RPS23: variants seen among roughly 807,000 people sequenced by gnomAD.
RPS23 encodes ribosomal protein S23, also known as small ribosomal subunit protein uS12.
For synonymous variants in RPS23, 66 were observed against 60.4 expected, an observed-to-expected ratio of 1.09 and a Z score of -0.43; for missense variants, 73 against 174.5, an observed-to-expected ratio of 0.42 and a Z score of 3.28.
At chr5:82,276,295 G>A (rs111635232) in intron 3 of RPS23, 40 bp from the exon 4 acceptor site, 10 of 1,612,406 alleles carry the variant, frequency 6.2e-6, no homozygotes, top group Admixed American at 3.3e-5. Flanking sequence ...TGTTGGTGGC[G>A]ATCACAAAAA....
chr5:82,278,258 C>A (rs573073542), intron 1 of RPS23, 62 bp downstream of exon 1: 3 of 1,575,392 alleles, frequency 1.9e-6, no homozygotes, highest in Non-Finnish European at 2.6e-6. Context: ...CGCATCCGCC[C>A]GCCCGTCCCC....
rs1463298404 is a variant in RPS23, at chr5:82,274,270, C to G, written c.*1839G>C. 1.3e-5 allele frequency: 2 copies of G among 152,304 alleles called. No homozygotes were observed. Among genetic ancestry groups the G allele is most frequent in the Admixed American group, 1.3e-4 (2 of 15,278 alleles). The allele number at this position is 152,304 out of a possible 1,614,324, so 9.4% of individuals were successfully genotyped here. On this transcript the variant is annotated 3_prime_UTR_variant, in exon 4 of 4. Transcript: ENST00000296674. The stretch of plus-strand genomic sequence containing the variant: ...TACATGAAGGAAAGGGCCTTGGACA[C>G]AAGGCAGTGGGGAAAGGGGCTGGGG...
Position 82,273,576 on chromosome 5 carries a change from C to T in RPS23, c.*2533G>A, listed in dbSNP as rs1341322445. The T allele has an allele frequency of 1.3e-5, 2 of 149,054 alleles. No individual in the cohort carries two copies. Among genetic ancestry groups the T allele is most frequent in the South Asian group, 2.1e-4 (1 of 4,816 alleles). The allele number at this position is 149,054 out of a possible 1,614,324, so 9.2% of individuals were successfully genotyped here. A position where few individuals can be genotyped will look rare whatever the true frequency, so the allele number is the denominator to read the frequency against. ...CTACGGATAACATCAGGTTCTAAGTCGTAAGTTGATTTTTAACTACTAGGT... is the reference window on the plus strand; with the variant it reads ...CTACGGATAACATCAGGTTCTAAGTTGTAAGTTGATTTTTAACTACTAGGT... On this transcript the variant is annotated 3_prime_UTR_variant, in exon 4 of 4. Transcript: ENST00000296674.
In RPS23 at chr5:82,275,885, C is replaced by T; in HGVS notation, c.*224G>A. On this transcript the variant is annotated 3_prime_UTR_variant, in exon 4 of 4. Coordinates refer to ENST00000296674, the MANE Select transcript of RPS23 (RefSeq NM_001025.5). ...ATTCCACAGGATGAGGGAAACTGTG[C>T]CAGGTTACAAATGTTATTAACTCTA... 1 of 513,252 alleles carries T rather than the reference C, an allele frequency of 1.9e-6. No individual in the cohort carries two copies. The highest frequency in any genetic ancestry group is 3.5e-6 in the Non-Finnish European group (1 of 288,862). 31.8% of individuals were successfully genotyped at this position (513,252 alleles called of 1,614,324 possible).
rs1210926042 is a variant in RPS23 at position 82,274,472 on chromosome 5, A to C, written c.*1637T>G. ...GGGTACAGCTGCAAGCCATTGTTGA[A>C]GGTGTCTTGACGTATCAGAGAAGGC... On this transcript the variant is annotated 3_prime_UTR_variant, in exon 4 of 4. Transcript: ENST00000296674. 1.3e-5 allele frequency: 2 copies of C among 152,374 alleles called. No individual in the cohort carries two copies. The highest frequency in any genetic ancestry group is 2.4e-5 in the African/African-American group (1 of 41,436). 9.4% of individuals were successfully genotyped at this position (152,374 alleles called of 1,614,324 possible).
Position 82,275,189 on chromosome 5 carries a change from G to A in RPS23, c.*920C>T, listed in dbSNP as rs576619519. The A allele has an allele frequency of 2.8e-6, 2 of 702,184 alleles. No individual in the cohort carries two copies. Among genetic ancestry groups the A allele is most frequent in the African/African-American group, 3.5e-5 (2 of 57,364 alleles). 43.5% of individuals were successfully genotyped at this position (702,184 alleles called of 1,614,324 possible). The stretch of plus-strand genomic sequence containing the variant: ...TGTAAAGCTAGGCTTTGATCAAAGG[G>A]CTAATTAACCCATACTTACTATTTG... On this transcript the variant is annotated 3_prime_UTR_variant, in exon 4 of 4. Coordinates refer to ENST00000296674, the MANE Select transcript of RPS23 (RefSeq NM_001025.5).
rs1412862936 is a variant in RPS23, at chr5:82,274,749, C to G, written c.*1360G>C. ...CTCATCCGAAAGCATCTGTTGAGCC[C>G]CTGGGAACAGCTTAGCCAAATACTG... On this transcript the variant is annotated 3_prime_UTR_variant, in exon 4 of 4. Transcript: ENST00000296674. 1 of 162,922 alleles carries G rather than the reference C, an allele frequency of 6.1e-6. No individual in the cohort carries two copies. The highest frequency in any genetic ancestry group is 1.3e-5 in the Non-Finnish European group (1 of 74,684). 10.1% of individuals were successfully genotyped at this position (162,922 alleles called of 1,614,324 possible). A position where few individuals can be genotyped will look rare whatever the true frequency, so the allele number is the denominator to read the frequency against.
At chr5:82,277,079 G>A (rs1747843251) in intron 2 of RPS23, among the ~76,000 whole-genome samples, 1 of 150,726 alleles carries the variant, frequency 6.6e-6, no homozygotes, top group Non-Finnish European at 1.5e-5. Context: ...CAGCTACCTG[G>A]GAGGCTGAGG....
At position 82,274,904 on chromosome 5, in the gene RPS23, T is replaced by TA. The variant is rs1554062673; in HGVS notation, c.*1204dup. ...GCTGGAAAACACACGAGCTCTTTAG[T>TA]AAGAGCAGGCGACATGCAAGGAACC... is the stretch of plus-strand genomic sequence containing the variant. On this transcript the variant is annotated 3_prime_UTR_variant, in exon 4 of 4. Transcript: ENST00000296674. The TA allele has an allele frequency of 3.2e-6, 1 of 313,156 alleles. No individual in the cohort carries two copies. Among genetic ancestry groups the TA allele is most frequent in the Non-Finnish European group, 6.0e-6 (1 of 167,774 alleles). The allele number at this position is 313,156 out of a possible 1,614,324, so 19.4% of individuals were successfully genotyped here.
In RPS23 at chr5:82,277,897, A is replaced by C. The variant is rs367849046; in HGVS notation, c.5-45T>G. On this transcript the variant is annotated intron_variant, in intron 1 of 3. Transcript: ENST00000296674. ...GTTCTTCCGTAAAAACACGCCATCT[A>C]CGTGTTTCCCATCTTCTAAGACACT... 22 of 1,538,184 alleles carry C rather than the reference A, an allele frequency of 1.4e-5. No homozygotes were observed. In the East Asian group the frequency reaches 2.5e-4, roughly 17 times the overall value.
At chr5:82,277,985 C>A in intron 1 of RPS23, 133 bp from the exon 2 acceptor site, 1 of 844,760 alleles carries the variant, frequency 1.2e-6, no homozygotes. Context: ...GCCTGTGGGC[C>A]AAACATTTGG....
chr5:82,278,333 G>A lies in RPS23; in HGVS notation c.-10C>T, dbSNP rs1561392358. 2 of 1,609,144 alleles carry A rather than the reference G, an allele frequency of 1.2e-6. No homozygotes were observed. The highest frequency in any genetic ancestry group is 1.7e-6 in the Non-Finnish European group (2 of 1,178,172). On this transcript the variant is annotated 5_prime_UTR_variant, in exon 1 of 4. Transcript: ENST00000296674. ...ACAACAGCTCACCCATCCTGTCGGC[G>A]CCACGGGCCTGAGCGAAAGAGAGAA...
chr5:82,275,135 A>AC lies in RPS23; in HGVS notation c.*973dup. On this transcript the variant is annotated 3_prime_UTR_variant, in exon 4 of 4. Coordinates refer to ENST00000296674, the MANE Select transcript of RPS23 (RefSeq NM_001025.5). ...GATCCTACGGAAAGTGGGCAACCAA[A>AC]CCAATTGTTTTCCAAAGATCCTAAA... The AC allele has an allele frequency of 2.9e-6, 2 of 682,606 alleles. No homozygotes were observed. The highest frequency in any genetic ancestry group is 5.3e-6 in the Non-Finnish European group (2 of 374,296). The allele number at this position is 682,606 out of a possible 1,614,324, so 42.3% of individuals were successfully genotyped here. A position where few individuals can be genotyped will look rare whatever the true frequency, so the allele number is the denominator to read the frequency against.
chr5:82,276,738 G>A lies in RPS23; in HGVS notation c.165-220C>T, dbSNP rs1747793345. On this transcript the variant is annotated intron_variant, in intron 2 of 3. Coordinates refer to ENST00000296674, the MANE Select transcript of RPS23 (RefSeq NM_001025.5). Reference sequence around the variant, plus strand: ...CCTTTTACAGTTATAAAAGTAGACTGGAGTGGCAGCGTGGGCCTGTAGTCC... The same window carrying A: ...CCTTTTACAGTTATAAAAGTAGACTAGAGTGGCAGCGTGGGCCTGTAGTCC... The A allele has an allele frequency of 1.0e-5, 6 of 594,858 alleles. No individual in the cohort carries two copies. The Admixed American group carries it at 1.5e-4, about 15-fold the overall frequency. 36.8% of individuals were successfully genotyped at this position (594,858 alleles called of 1,614,324 possible).
At chr5:82,278,105 C>T in intron 1 of RPS23, 1 of 682,216 alleles carries the variant, frequency 1.5e-6, no homozygotes. Flanking sequence ...GCGCTGGCCT[C>T]CCTGCGTCCC....
rs1035648072 is a variant in RPS23, at chr5:82,275,706, T to A, written c.*403A>T. The A allele has an allele frequency of 8.1e-6, 2 of 248,010 alleles. No individual in the cohort carries two copies. Among genetic ancestry groups the A allele is most frequent in the African/African-American group, 4.5e-5 (2 of 44,542 alleles). 15.4% of individuals were successfully genotyped at this position (248,010 alleles called of 1,614,324 possible). A position where few individuals can be genotyped will look rare whatever the true frequency, so the allele number is the denominator to read the frequency against. On this transcript the variant is annotated 3_prime_UTR_variant, in exon 4 of 4. Coordinates refer to ENST00000296674, the MANE Select transcript of RPS23 (RefSeq NM_001025.5). ...TAAGATAATCTATGTGCAATGAAAT[T>A]TGGTAACTGAAGTGTTGCACCCGAT...
In RPS23 at chr5:82,276,416, A is replaced by C; in HGVS notation, c.267T>G (p.Gly89=). Residue 89 remains glycine, a synonymous_variant, in exon 3 of 4, where the codon GGT becomes GGG. Transcript: ENST00000296674. ...TACTCACCTCAATAAAGTTCAAGCA[A>C]CCGTCATTGGGTACAAAGGCTGTGA... The part of the protein sequence containing the change: ...KKITAFVPND[G]CLNFIEENDE... 1 of 1,614,002 alleles carries C rather than the reference A, an allele frequency of 6.2e-7. No individual in the cohort carries two copies. The highest frequency in any genetic ancestry group is 8.5e-7 in the Non-Finnish European group (1 of 1,179,892).
In RPS23 at chr5:82,278,340, G is replaced by A. The variant is rs1748025634; in HGVS notation, c.-17C>T. The A allele has an allele frequency of 2.5e-6, 4 of 1,606,804 alleles. No homozygotes were observed. Among genetic ancestry groups the A allele is most frequent in the East Asian group, 2.3e-5 (1 of 44,414 alleles). ...CTCACCCATCCTGTCGGCGCCACGGGCCTGAGCGAAAGAGAGAAGCACCGC... is the reference window on the plus strand; with the variant it reads ...CTCACCCATCCTGTCGGCGCCACGGACCTGAGCGAAAGAGAGAAGCACCGC... On this transcript the variant is annotated 5_prime_UTR_variant, in exon 1 of 4. Transcript: ENST00000296674.
chr5:82,275,132 C>T lies in RPS23; in HGVS notation c.*977G>A. 1 of 678,380 alleles carries T rather than the reference C, an allele frequency of 1.5e-6. No individual in the cohort carries two copies. The highest frequency in any genetic ancestry group is 2.7e-6 in the Non-Finnish European group (1 of 372,180). The allele number at this position is 678,380 out of a possible 1,614,324, so 42.0% of individuals were successfully genotyped here. A position where few individuals can be genotyped will look rare whatever the true frequency, so the allele number is the denominator to read the frequency against. ...CTTGATCCTACGGAAAGTGGGCAACCAAACCAATTGTTTTCCAAAGATCCT... is the reference window on the plus strand; with the variant it reads ...CTTGATCCTACGGAAAGTGGGCAACTAAACCAATTGTTTTCCAAAGATCCT... On this transcript the variant is annotated 3_prime_UTR_variant, in exon 4 of 4. Coordinates refer to ENST00000296674, the MANE Select transcript of RPS23 (RefSeq NM_001025.5).
Sources: gnomAD v4.1 joint callset for allele counts (sites outside exome capture counted in the v4.1 genomes callset) on GRCh38, gnomAD v4.1.1 for gene constraint, MANE v1.5 for transcripts, NCBI Gene and HGNC (gene_info 2026-07-23, HGNC 2026-07-21) for gene names.